The following ADGRV1 variants were observed in gnomAD, a reference collection of about 807,000 sequenced individuals.
ADGRV1 encodes the protein G-protein coupled receptor 98.
Under a neutral mutation model 596.2 loss-of-function variants are expected in ADGRV1, and 359 were observed. The ratio of observed to expected loss-of-function variants is 0.60; its 90% CI spans 0.55 to 0.66. The LOEUF (loss-of-function observed/expected upper bound fraction) is 0.66, where lower values mean the gene tolerates loss of function less well. Among genes scored for constraint, ADGRV1 ranks in the 30% least tolerant of loss-of-function variants. ADGRV1 has a pLI of 0.00. For missense variants in ADGRV1, 7,274 were observed against 7,575.6 expected (o/e 0.96, Z 1.48); for synonymous variants, 2,681 against 2,679.2 (o/e 1.00, Z -0.02).
At chr5:91,112,338 T>G (rs749906690) in intron 87 of ADGRV1, among the ~76,000 whole-genome samples, 15 of 152,230 alleles carry the variant, frequency 9.9e-5, no homozygotes, top group Non-Finnish European at 2.1e-4. Context: ...TTAGGTTTTT[T>G]TCCTGTGATT....
intron 85 of ADGRV1, among the ~76,000 whole-genome samples, chr5:91,008,558 C>T (rs1253476043): frequency 1.3e-5 from 2 of 151,976 alleles, no homozygotes; most frequent in African/African-American, 2.4e-5. Context: ...GGCTGGAGTG[C>T]AGTGGCATGA....
chr5:90,595,107 CGGGGGGCTG>C (rs1760119547), intron 1 of ADGRV1, among the ~76,000 whole-genome samples: 2 of 126,978 alleles, frequency 1.6e-5, no homozygotes, highest in Admixed American at 7.3e-5. Flanking sequence ...GCTGGCCGGG[CGGGGGGCTG>C]ACCCCCCCAC....
intron 28 of ADGRV1, among the ~76,000 whole-genome samples, chr5:90,684,530 G>A (rs115794368): frequency 0.01 from 1,597 of 152,236 alleles, 29 homozygotes; most frequent in African/African-American, 0.036. Context: ...GCCATAAACT[G>A]GGTGGCTTAG....
At chr5:90,919,353 A>G (rs1445688424) in intron 83 of ADGRV1, among the ~76,000 whole-genome samples, 1 of 152,188 alleles carries the variant, frequency 6.6e-6, no homozygotes, top group Non-Finnish European at 1.5e-5. Context: ...GATGGTATTT[A>G]GATAGGATTG....
At chr5:90,617,575 T>G (rs1427695463) in intron 2 of ADGRV1, 1 of 345,396 alleles carries the variant, frequency 2.9e-6, no homozygotes, top group Non-Finnish European at 5.3e-6. Context: ...CCCAAAGTGC[T>G]GGGATTACAG....
chr5:90,806,964 T>C (rs1203180069), intron 72 of ADGRV1, among the ~76,000 whole-genome samples: 1 of 152,136 alleles, frequency 6.6e-6, no homozygotes. Context: ...GGTATTCTCC[T>C]GCCTCAGCCT....
chr5:91,054,125 G>GAGAGAA (rs1786619199), intron 85 of ADGRV1, among the ~76,000 whole-genome samples: 1 of 151,284 alleles, frequency 6.6e-6, no homozygotes, highest in Admixed American at 6.6e-5. Context: ...GAGAGAGAGA[G>GAGAGAA]AGAGAGAGAC....
intron 1 of ADGRV1, among the ~76,000 whole-genome samples, chr5:90,598,537 G>C (rs188167735): frequency 6.6e-6 from 1 of 152,186 alleles, no homozygotes; most frequent in South Asian, 2.1e-4. Flanking sequence ...TGGGGCTAGC[G>C]AGGCACATGG....
intron 85 of ADGRV1, among the ~76,000 whole-genome samples, chr5:91,009,361 A>G (rs1428979728): frequency 1.3e-5 from 2 of 152,170 alleles, no homozygotes; most frequent in East Asian, 3.9e-4. Flanking sequence ...CACAGGTCTC[A>G]GATTGTACTT....
At chr5:90,662,451 C>G (rs1046024841) in intron 21 of ADGRV1, among the ~76,000 whole-genome samples, 2 of 152,014 alleles carry the variant, frequency 1.3e-5, no homozygotes, top group African/African-American at 2.4e-5. Flanking sequence ...CCTCAGCCTC[C>G]CAAAGTGCTG....
intron 85 of ADGRV1, among the ~76,000 whole-genome samples, chr5:91,049,073 A>T (rs1818353): frequency 0.12 from 18,317 of 152,160 alleles, 1,458 homozygotes; most frequent in Admixed American, 0.27. Flanking sequence ...TTAAAAAAAA[A>T]AAATAAACCA....
At chr5:90,838,180 A>T (rs1765128592) in intron 77 of ADGRV1, among the ~76,000 whole-genome samples, 1 of 151,988 alleles carries the variant, frequency 6.6e-6, no homozygotes, top group Non-Finnish European at 1.5e-5. Flanking sequence ...TTTTTGAGTT[A>T]TTTCCTTCAG....
At chr5:91,041,007 G>A (rs927882403) in intron 85 of ADGRV1, among the ~76,000 whole-genome samples, 3 of 152,158 alleles carry the variant, frequency 2.0e-5, no homozygotes, top group African/African-American at 7.2e-5. Flanking sequence ...ACCTAACTAT[G>A]TTAAGAGACT....
intron 83 of ADGRV1, among the ~76,000 whole-genome samples, chr5:90,928,632 C>T (rs967635826): frequency 1.3e-5 from 2 of 150,586 alleles, no homozygotes; most frequent in East Asian, 2.0e-4. Context: ...TCTCTCAGCT[C>T]GTGAAAGTCA....
At position 90,698,121 on chromosome 5, in the gene ADGRV1, G is replaced by T. The variant is rs145216520; in HGVS notation, c.8155+975G>T. On this transcript the variant is annotated intron_variant, in intron 34 of 89. Transcript: ENST00000405460. ...GTACTCTACTTTTATTAACGGTTTG[G>T]AATTGCATGTTGTCATAGCAGTAAT... 4.9e-3 allele frequency among the ~76,000 whole-genome samples: 744 copies of T among 152,146 alleles called. 6 individuals carry two copies. Among genetic ancestry groups the T allele is most frequent in the Non-Finnish European group, 8.4e-3 (574 of 68,008 alleles).
chr5:90,679,770 TTATGAAG>T, intron 26 of ADGRV1, 141 bp downstream of exon 26: 1 of 561,538 alleles, frequency 1.8e-6, no homozygotes, highest in Non-Finnish European at 3.1e-6. Context: ...CACAGAAACT[TTATGAAG>T]TATGATTTCC....
rs778837852 is a variant in ADGRV1 at position 90,756,567 on chromosome 5, A to C, written c.11694A>C (p.Ile3898=). ...QPSVRRPGME[I]AEIMIEENDD... is the part of the protein sequence containing the mutation. ...GTGTGCGGAGGCCCGGAATGGAAAT[A>C]GCTGAGATAATGATAGAAGAAAATG... Residue 3898 remains isoleucine, a synonymous_variant, in exon 56 of 90, where the codon ATA becomes ATC. Transcript: ENST00000405460. 5.6e-6 allele frequency: 9 copies of C among 1,613,666 alleles called. No individual in the cohort carries two copies. The Admixed American group carries it at 1.5e-4, about 27-fold the overall frequency.
rs770324958 is a variant in ADGRV1 at position 90,750,734 on chromosome 5, A to T, written c.11121+37A>T. Reference sequence around the variant, plus strand: ...ACAAAGTTATAGGAAACACTTTTAAATTATGGTTACTAGTGATGTATGGGA... The same window carrying T: ...ACAAAGTTATAGGAAACACTTTTAATTTATGGTTACTAGTGATGTATGGGA... On this transcript the variant is annotated intron_variant, in intron 53 of 89. Transcript: ENST00000405460. 2.3e-5 allele frequency: 36 copies of T among 1,566,810 alleles called. No individual in the cohort carries two copies. In the African/African-American group the frequency reaches 4.7e-4, roughly 21 times the overall value.
chr5:90,820,175 CTTCT>C (rs1394174635), intron 75 of ADGRV1, among the ~76,000 whole-genome samples: 3 of 149,318 alleles, frequency 2.0e-5, no homozygotes, highest in African/African-American at 7.5e-5. Flanking sequence ...ATGTAATGGC[CTTCT>C]TTGTCTCTTT....
Sources: allele counts gnomAD v4.1 joint callset (sites outside exome capture counted in the v4.1 genomes callset), GRCh38; gene constraint gnomAD v4.1.1; transcripts MANE v1.5; gene names NCBI Gene and HGNC (gene_info 2026-07-23, HGNC 2026-07-21).